AGBL1: variants seen among roughly 807,000 people sequenced by gnomAD.
AGBL1 encodes AGBL carboxypeptidase 1.
A neutral mutation model predicts 118.9 loss-of-function variants in AGBL1; 130 were observed. The ratio of observed to expected loss-of-function variants is 1.09; its 90% CI spans 0.95 to 1.26. AGBL1 has a LOEUF of 1.26. Ranked by LOEUF, AGBL1 falls within the 50% of genes most tolerant of loss-of-function variation. The probability of loss-of-function intolerance (pLI) is 0.00; values close to 1 mark genes in which losing one functional copy is unlikely to be tolerated. For missense variants in AGBL1, 1,584 were observed against 1,298.1 expected (o/e 1.22, Z -3.38); for synonymous variants, 555 against 478.9 (o/e 1.16, Z -2.08).
intron 3 of AGBL1, among the ~76,000 whole-genome samples, chr15:86,145,737 C>G (rs1216929074): frequency 6.6e-6 from 1 of 152,202 alleles, no homozygotes; most frequent in Non-Finnish European, 1.5e-5. Context: ...CTGCATGTCT[C>G]CTAGGGCCAG....
At chr15:86,963,980 C>G (rs1280453572) in intron 23 of AGBL1, among the ~76,000 whole-genome samples, 2 of 147,980 alleles carry the variant, frequency 1.4e-5, no homozygotes, top group Non-Finnish European at 3.0e-5. Context: ...TGCAAGCAAT[C>G]AGACTAATGG....
At chr15:86,926,614 G>A (rs1367645462) in intron 23 of AGBL1, among the ~76,000 whole-genome samples, 3 of 152,226 alleles carry the variant, frequency 2.0e-5, no homozygotes, top group Non-Finnish European at 4.4e-5. Context: ...GCCATAGACT[G>A]GATGGAGACT....
At chr15:86,302,257 A>G (rs2079759437) in intron 17 of AGBL1, among the ~76,000 whole-genome samples, 3 of 152,198 alleles carry the variant, frequency 2.0e-5, no homozygotes, top group Admixed American at 2.0e-4. Context: ...TTTTATTCTT[A>G]TACAGTTTTA....
intron 5 of AGBL1, among the ~76,000 whole-genome samples, chr15:86,211,452 C>T (rs2078096642): frequency 6.6e-6 from 1 of 152,228 alleles, no homozygotes; most frequent in Non-Finnish European, 1.5e-5. Context: ...GAGCTGGGGT[C>T]TACAGAGGCA....
chr15:86,519,770 C>A (rs2083163914), intron 18 of AGBL1, among the ~76,000 whole-genome samples: 4 of 152,130 alleles, frequency 2.6e-5, no homozygotes. Flanking sequence ...GCCTCTACCT[C>A]CAAAACAGAC....
At chr15:87,028,721 T>G (rs2081758457) in intron 24 of AGBL1, 1 of 1,001,158 alleles carries the variant, frequency 1.0e-6, no homozygotes, top group Non-Finnish European at 1.5e-6. Flanking sequence ...ATGAGGAAAA[T>G]GAATTTCGTA....
chr15:86,269,484 G>T (rs1348849935), intron 13 of AGBL1, among the ~76,000 whole-genome samples: 5 of 152,078 alleles, frequency 3.3e-5, no homozygotes, highest in African/African-American at 1.2e-4. Context: ...TAATAAAAAG[G>T]TGTGCTAATA....
intron 17 of AGBL1, among the ~76,000 whole-genome samples, chr15:86,374,560 G>A (rs971002496): frequency 6.6e-6 from 1 of 152,150 alleles, no homozygotes; most frequent in Non-Finnish European, 1.5e-5. Context: ...ATTGGAGTTA[G>A]AGCACAGTCT....
chr15:86,707,911 T>C (rs934452049), intron 22 of AGBL1, among the ~76,000 whole-genome samples: 2 of 152,090 alleles, frequency 1.3e-5, no homozygotes, highest in African/African-American at 4.8e-5. Flanking sequence ...TTGGAAATCA[T>C]AGTTGGAAAT....
intron 21 of AGBL1, among the ~76,000 whole-genome samples, chr15:86,573,323 C>T (rs548769547): frequency 7.9e-5 from 12 of 152,254 alleles, no homozygotes; most frequent in Non-Finnish European, 1.5e-4. Flanking sequence ...TGACAACTTC[C>T]ATGTCTTCTA....
At chr15:86,266,353 G>A in intron 11 of AGBL1, 21 bp from the exon 12 acceptor site, 4 of 1,552,678 alleles carry the variant, frequency 2.6e-6, no homozygotes, top group Admixed American at 1.9e-5. Context: ...CCCTTAAAAT[G>A]TTTTCAATTT....
At chr15:86,109,513 G>T (rs1897238806) in intron 1 of AGBL1, among the ~76,000 whole-genome samples, 1 of 152,060 alleles carries the variant, frequency 6.6e-6, no homozygotes, top group Non-Finnish European at 1.5e-5. Context: ...ATTTTCTATA[G>T]AGAAAATAAG....
chr15:86,464,904 T>C (rs2082383066), intron 18 of AGBL1, among the ~76,000 whole-genome samples: 1 of 152,138 alleles, frequency 6.6e-6, no homozygotes, highest in South Asian at 2.1e-4. Context: ...AAATTTTCTT[T>C]TTCTTGGTGG....
At chr15:86,947,419 CAGATATTTCATATT>C (rs2080837647) in intron 23 of AGBL1, among the ~76,000 whole-genome samples, 1 of 152,064 alleles carries the variant, frequency 6.6e-6, no homozygotes, top group Non-Finnish European at 1.5e-5. Context: ...GATTTTATGT[CAGATATTTCATATT>C]TTATGTTGTT....
intron 1 of AGBL1, among the ~76,000 whole-genome samples, chr15:86,111,431 A>G (rs1242166515): frequency 2.0e-5 from 3 of 152,152 alleles, no homozygotes; most frequent in African/African-American, 7.2e-5. Flanking sequence ...GAATGTTTGT[A>G]TCTATTTTGG....
At chr15:86,380,247 C>CCTGCCTG (rs879779744) in intron 17 of AGBL1, among the ~76,000 whole-genome samples, 2 of 100,986 alleles carry the variant, frequency 2.0e-5, no homozygotes, top group Admixed American at 1.8e-4. Context: ...CTGCCTGCCT[C>CCTGCCTG]CCTCCCTCCC....
At chr15:86,546,254 T>G in intron 20 of AGBL1, 121 bp downstream of exon 20, 1 of 1,167,036 alleles carries the variant, frequency 8.6e-7, no homozygotes. Context: ...AGCATTTTAA[T>G]TATTCTAACC....
chr15:86,802,596 T>C (rs1191217483), intron 22 of AGBL1, among the ~76,000 whole-genome samples: 1 of 152,144 alleles, frequency 6.6e-6, no homozygotes, highest in Non-Finnish European at 1.5e-5. Context: ...TAAAAACACA[T>C]CGAGATTCAG....
chr15:86,382,552 C>A (rs1991669), intron 17 of AGBL1, among the ~76,000 whole-genome samples: 44,220 of 151,522 alleles, frequency 0.29, 7,086 homozygotes, highest in East Asian at 0.74. Flanking sequence ...CGTAAAAGGC[C>A]GGTTGCCCAG....
Sources: gnomAD v4.1 joint callset for allele counts (sites outside exome capture counted in the v4.1 genomes callset) on GRCh38, gnomAD v4.1.1 for gene constraint, MANE v1.5 for transcripts, NCBI Gene and HGNC (gene_info 2026-07-23, HGNC 2026-07-21) for gene names.